Variants in ABCA2 observed in about 807,000 individuals in gnomAD.
ABCA2 encodes ATP-binding cassette sub-family A member 2.
In ABCA2, 84 loss-of-function variants were observed where a neutral mutation model predicts 262.8. The ratio of observed to expected loss-of-function variants is 0.32; its 90% confidence interval spans 0.27 to 0.38. The LOEUF (loss-of-function observed/expected upper bound fraction) is 0.38, where lower values mean the gene tolerates loss of function less well. Ranked by LOEUF, ABCA2 falls within the 10% of genes least tolerant of loss-of-function variation. The pLI is 1.00. For missense variants in ABCA2, 2,662 were observed against 3,405.9 expected (o/e 0.78, Z 5.44); for synonymous variants, 1,696 against 1,502.9 (o/e 1.13, Z -2.97).
In ABCA2 at chr9:137,013,947, C is replaced by A. The variant is rs750013155; in HGVS notation, c.4332G>T (p.Leu1444=). The change falls in exon 28 of 49, where the codon CTG becomes CTT. Residue 1444 remains leucine, a synonymous_variant. Coordinates refer to ENST00000341511, the MANE Select transcript of ABCA2 (RefSeq NM_001606.5). The part of the protein sequence containing the change: ...WLKVRQFHGL[L]VKRFHCARRN... ...GGCGGGCGCAGTGGAAGCGTTTGAC[C>A]AGCAGCCCGTGGAACTGGCGCACCT... is the stretch of plus-strand genomic sequence containing the variant. 1.9e-6 allele frequency: 3 copies of A among 1,612,180 alleles called. No homozygotes were observed. The South Asian group carries it at 3.3e-5, about 18-fold the overall frequency.
At chr9:137,023,108 AGGAATCCAGAAGGGGAGG>A in intron 3 of ABCA2, 56 bp from the exon 4 acceptor site, 1 of 1,313,688 alleles carries the variant, frequency 7.6e-7, no homozygotes, top group Non-Finnish European at 1.1e-6. Context: ...AGAGAGAGAG[AGGAATCCAGAAGGGGAGG>A]GAGACAGAGG....
Position 137,017,799 on chromosome 9 carries a change from G to A in ABCA2, c.2199C>T (p.His733=), listed in dbSNP as rs1831314538. Residue 733 remains histidine (H), a synonymous_variant, in exon 16 of 49, where the codon CAC becomes CAT. Coordinates refer to ENST00000341511, the MANE Select transcript of ABCA2 (RefSeq NM_001606.5). ...TIQHIVAEKE[H]RLKEVMKTMG... ...CCGGCCCGCGCACCTCCTTGAGCCG[G>A]TGCTCCTTCTCCGCCACGATGTGCT... The A allele has an allele frequency of 6.2e-7, 1 of 1,612,384 alleles. No individual in the cohort carries two copies. The highest frequency in any genetic ancestry group is 1.3e-5 in the African/African-American group (1 of 74,930).
rs780396149 is a variant in ABCA2, at chr9:137,012,058, C to T, written c.5361-40G>A. On this transcript the variant is annotated intron_variant, in intron 34 of 48. Coordinates refer to ENST00000341511, the MANE Select transcript of ABCA2 (RefSeq NM_001606.5). ...CCCTCAGTCCTCACGGCCGGGGCTGCAGTGCCCACCTGCCCCACCTCATCC... is the reference window on the plus strand; with the variant it reads ...CCCTCAGTCCTCACGGCCGGGGCTGTAGTGCCCACCTGCCCCACCTCATCC... 4 of 1,612,224 alleles carry T rather than the reference C, an allele frequency of 2.5e-6. No individual in the cohort carries two copies. In the African/African-American group the frequency reaches 5.3e-5, roughly 22 times the overall value.
At chr9:137,014,888 C>T in intron 25 of ABCA2, 25 bp downstream of exon 25, 9 of 1,574,092 alleles carry the variant, frequency 5.7e-6, no homozygotes, top group Non-Finnish European at 6.9e-6. Context: ...CCTGCAACTG[C>T]CCCCCGACCC....
At chr9:137,008,227 G>T in intron 48 of ABCA2, 189 bp downstream of exon 48, 1 of 833,924 alleles carries the variant, frequency 1.2e-6, no homozygotes, top group South Asian at 1.4e-5. Flanking sequence ...ACTCTAGCAA[G>T]TCTGGACCAT....
At position 137,015,226 on chromosome 9, in the gene ABCA2, C is replaced by T. The variant is rs1240218635; in HGVS notation, c.3698-129G>A. 2.4e-6 allele frequency: 3 copies of T among 1,243,786 alleles called. No homozygotes were observed. The East Asian group carries it at 7.3e-5, about 30-fold the overall frequency. 77.0% of individuals were successfully genotyped at this position (1,243,786 alleles called of 1,614,324 possible). ...ACCAGGCCCCAGCAGGTATCCTGGGCCCAGGGGGTGACGCTGAGGACCCAG... is the reference window on the plus strand; with the variant it reads ...ACCAGGCCCCAGCAGGTATCCTGGGTCCAGGGGGTGACGCTGAGGACCCAG... On this transcript the variant is annotated intron_variant, in intron 24 of 48. Transcript: ENST00000341511.
rs753490445 is a variant in ABCA2 at position 137,020,954 on chromosome 9, C to T, written c.1005G>A (p.Gln335=). The T allele has an allele frequency of 5.8e-6, 9 of 1,562,396 alleles. No homozygotes were observed. In the East Asian group the frequency reaches 2.1e-4, roughly 36 times the overall value. The change falls in exon 9 of 49, where the codon CAG becomes CAA. Residue 335 remains glutamine (Q), a synonymous_variant. Coordinates refer to ENST00000341511, the MANE Select transcript of ABCA2 (RefSeq NM_001606.5). ...GDLLDAQKVL[Q]DVDVLSALAL... is the part of the protein sequence containing the mutation. ...CCAGGGCCGACAGGACATCCACATC[C>T]TGCAGAACCTTCTGGGCATCCAGCA... is the stretch of plus-strand genomic sequence containing the variant.
At position 137,013,550 on chromosome 9, in the gene ABCA2, C is replaced by G; in HGVS notation, c.4461G>C (p.Pro1487=). 1 of 1,608,854 alleles carries G rather than the reference C, an allele frequency of 6.2e-7. No homozygotes were observed. Among genetic ancestry groups the G allele is most frequent in the Non-Finnish European group, 8.5e-7 (1 of 1,179,046 alleles). The change falls in exon 29 of 49, where the codon CCG becomes CCC. Residue 1487 remains proline (P), a synonymous_variant. Transcript: ENST00000341511. ...GGTACTGGGAAGGTGACAGGACCAG[C>G]GGGGGCAGATCACCTGGCAGGGCGA... The part of the protein sequence containing the change: ...LSVPEIGDLP[P]LVLSPSQYHN...
chr9:137,015,885 G>T lies in ABCA2; in HGVS notation c.3318-14C>A, dbSNP rs1326875770. 1 of 1,607,930 alleles carries T rather than the reference G, an allele frequency of 6.2e-7. No homozygotes were observed. The highest frequency in any genetic ancestry group is 1.1e-5 in the South Asian group (1 of 90,964). ...TCCTCGATCATCCTGGGACAGGGAG[G>T]TGGGGCATGGGGCTGCTGCTATGCA... On this transcript the variant is annotated splice_polypyrimidine_tract_variant and intron_variant, in intron 22 of 48. Transcript: ENST00000341511.
rs1270626298 is a variant in ABCA2, at chr9:137,010,939, G to GCCCCGC, written c.6056+28_6056+33dup. On this transcript the variant is annotated intron_variant, in intron 39 of 48. Coordinates refer to ENST00000341511, the MANE Select transcript of ABCA2 (RefSeq NM_001606.5). ...CACCCCCGAACCCATCCCTGCTCCC[G>GCCCCGC]CCCCGCCCCCGCCCCACCCCGCCCC... 47 of 316,708 alleles carry GCCCCGC rather than the reference G, an allele frequency of 1.5e-4. No homozygotes were observed. The Admixed American group carries it at 2.3e-3, about 15-fold the overall frequency. The allele number at this position is 316,708 out of a possible 1,614,324, so 19.6% of individuals were successfully genotyped here.
Position 137,028,003 on chromosome 9 carries a change from G to A in ABCA2, c.66+72C>T. 13 of 866,654 alleles carry A rather than the reference G, an allele frequency of 1.5e-5. No individual in the cohort carries two copies. Among genetic ancestry groups the A allele is most frequent in the Non-Finnish European group, 1.8e-5 (13 of 724,036 alleles). 53.7% of individuals were successfully genotyped at this position (866,654 alleles called of 1,614,324 possible). A position where few individuals can be genotyped will look rare whatever the true frequency, so the allele number is the denominator to read the frequency against. On this transcript the variant is annotated intron_variant, in intron 1 of 48. Transcript: ENST00000341511. This position sits in a 1 kb window ranked among gnomAD's most constrained non-coding sequence, Gnocchi z 6.9. ...CGCGCGCCCGGCCGTCCGCACGTGC[G>A]CGCGGGGAGCGCGCCTCTGGCCGCG... is the stretch of plus-strand genomic sequence containing the variant.
At position 137,009,056 on chromosome 9, in the gene ABCA2, G is replaced by T. The variant is rs1032427272; in HGVS notation, c.6828-3C>A. 5 of 1,605,046 alleles carry T rather than the reference G, an allele frequency of 3.1e-6. No homozygotes were observed. Among genetic ancestry groups the T allele is most frequent in the Non-Finnish European group, 3.4e-6 (4 of 1,179,622 alleles). On this transcript the variant is annotated splice_polypyrimidine_tract_variant and splice_region_variant and intron_variant, in intron 45 of 48. Transcript: ENST00000341511. Reference sequence around the variant, plus strand: ...TGATCATGTAGCCATCTCCAAACCTGGTGGGACAGGCCGGTGGCCCGGAGC... The same window carrying T: ...TGATCATGTAGCCATCTCCAAACCTTGTGGGACAGGCCGGTGGCCCGGAGC...
chr9:137,016,510 C>T, intron 20 of ABCA2, 39 bp from the exon 21 acceptor site: 1 of 1,612,404 alleles, frequency 6.2e-7, no homozygotes. Flanking sequence ...GGGGGCGGCG[C>T]CAAGGCCACC....
In ABCA2 at chr9:137,011,138, G is replaced by A. The variant is rs1235035368; in HGVS notation, c.5924-33C>T. On this transcript the variant is annotated intron_variant, in intron 38 of 48. Coordinates refer to ENST00000341511, the MANE Select transcript of ABCA2 (RefSeq NM_001606.5). The surrounding 1 kb of genome is among the most constrained non-coding windows in gnomAD (Gnocchi z 8.8). ...GAGACAGCTCAGGGCCTGTGCTCTGGGCCTTGCGGGGCCCCCACCGCCTTC... is the reference window on the plus strand; with the variant it reads ...GAGACAGCTCAGGGCCTGTGCTCTGAGCCTTGCGGGGCCCCCACCGCCTTC... The A allele has an allele frequency of 6.2e-7, 1 of 1,611,958 alleles. No homozygotes were observed. The highest frequency in any genetic ancestry group is 1.7e-5 in the Admixed American group (1 of 59,968).
chr9:137,014,612 C>G, intron 26 of ABCA2, 78 bp downstream of exon 26: 2 of 1,535,556 alleles, frequency 1.3e-6, no homozygotes, highest in African/African-American at 1.4e-5. Flanking sequence ...CCCCAGACAC[C>G]AGGCAGGAGT....
In ABCA2 at chr9:137,022,935, A is replaced by G; in HGVS notation, c.275+6T>C. 1 of 1,566,894 alleles carries G rather than the reference A, an allele frequency of 6.4e-7. No individual in the cohort carries two copies. The stretch of plus-strand genomic sequence containing the variant: ...TGGGTGCTCCGAGGGGCGGGTGGGC[A>G]CTCACGTGGAGTTGGCGTACTGCAG... On this transcript the variant is annotated splice_donor_region_variant and intron_variant, in intron 4 of 48. Coordinates refer to ENST00000341511, the MANE Select transcript of ABCA2 (RefSeq NM_001606.5).
Position 137,013,295 on chromosome 9 carries a change from C to T in ABCA2, c.4574G>A (p.Ser1525Asn), listed in dbSNP as rs766243334. 17 of 1,567,676 alleles carry T rather than the reference C, an allele frequency of 1.1e-5. No individual in the cohort carries two copies. Among genetic ancestry groups the T allele is most frequent in the Middle Eastern group, 2.1e-4 (1 of 4,760 alleles). Residue 1525 changes from serine to asparagine, a missense_variant, in exon 30 of 49, where the codon AGC becomes AAC. This residue lies in a region of ABCA2 where 192 missense variants were observed against 207.2 expected (regional missense o/e 0.93). Transcript: ENST00000341511. ...EYRLRLSPDA[S>N]PQQLVSTFRL... The stretch of plus-strand genomic sequence containing the variant: ...GAACGTGCTCACGAGCTGCTGGGGG[C>T]TGGCGTCGGGCGATAGCCGCAGCCT...
rs1831159992 is a variant in ABCA2, at chr9:137,013,888, A to G, written c.4391T>C (p.Leu1464Pro). ...GGCCACGCAGACGAAGAAGGCTGGC[A>G]GCAAGATCTGGGAGAAGAGTGCCTT... ...NSKALFSQILLPAFFVCVAMT... is the reference protein window; with the variant it reads ...NSKALFSQILPPAFFVCVAMT... The change falls in exon 28 of 49, where the codon CTG (leucine) becomes CCG (proline). Residue 1464 changes from leucine to proline, a missense_variant. Around this residue, in one of 12 missense-constraint regions of ABCA2, gnomAD observed 75 missense variants for 118.3 expected, o/e 0.63. Transcript: ENST00000341511. The G allele has an allele frequency of 1.9e-6, 3 of 1,612,472 alleles. No homozygotes were observed. Among genetic ancestry groups the G allele is most frequent in the Non-Finnish European group, 1.7e-6 (2 of 1,179,812 alleles).
Position 137,018,359 on chromosome 9 carries a change from C to T in ABCA2, c.1820-8G>A. 1 of 813,250 alleles carries T rather than the reference C, an allele frequency of 1.2e-6. No individual in the cohort carries two copies. 50.4% of individuals were successfully genotyped at this position (813,250 alleles called of 1,614,324 possible). On this transcript the variant is annotated splice_polypyrimidine_tract_variant and splice_region_variant and intron_variant, in intron 13 of 48. Coordinates refer to ENST00000341511, the MANE Select transcript of ABCA2 (RefSeq NM_001606.5). Reference sequence around the variant, plus strand: ...GGGTCTGGAAGATCACACCTGGGGCCGGGAGGTTGGGGCGGGGCCAAGATG... The same window carrying T: ...GGGTCTGGAAGATCACACCTGGGGCTGGGAGGTTGGGGCGGGGCCAAGATG...
Sources: gnomAD v4.1 joint callset for allele counts on GRCh38, gnomAD v4.1.1 for gene constraint, gnomAD v4.1.1 regional missense constraint, Gnocchi (gnomAD v3.1) non-coding constraint, MANE v1.5 for transcripts, NCBI Gene and HGNC (gene_info 2026-07-23, HGNC 2026-07-21) for gene names.